The following CTNND2 variants were observed in gnomAD, a reference collection of about 807,000 sequenced individuals.
The protein encoded by CTNND2 is catenin delta-2.
Under a neutral mutation model 144.4 loss-of-function variants are expected in CTNND2, and 22 were observed. The observed-to-expected ratio is 0.15, with a 90% CI of 0.11 to 0.22. The LOEUF (loss-of-function observed/expected upper bound fraction) is 0.22, where lower values mean the gene tolerates loss of function less well. Among genes scored for constraint, CTNND2 ranks in the 10% least tolerant of loss-of-function variants. The pLI is 1.00. For missense variants in CTNND2, 1,353 were observed against 1,618.8 expected, an observed-to-expected ratio of 0.84 and a Z score of 2.82; for synonymous variants, 751 against 695.6, an observed-to-expected ratio of 1.08 and a Z score of -1.25.
intron 2 of CTNND2, among the ~76,000 whole-genome samples, chr5:11,634,191 C>T (rs578193702): frequency 6.6e-6 from 1 of 152,266 alleles, no homozygotes; most frequent in South Asian, 2.1e-4. Flanking sequence ...GAGAACTTTA[C>T]CCTTTTCTTT....
At chr5:11,363,875 C>T (rs561509330) in intron 8 of CTNND2, among the ~76,000 whole-genome samples, 1 of 152,314 alleles carries the variant, frequency 6.6e-6, no homozygotes, top group African/African-American at 2.4e-5. Context: ...TCATATATAT[C>T]ATTAGGAAAG....
At chr5:10,990,271 T>A (rs939188710) in intron 19 of CTNND2, among the ~76,000 whole-genome samples, 2 of 152,106 alleles carry the variant, frequency 1.3e-5, no homozygotes, top group Non-Finnish European at 2.9e-5. Context: ...CGAATGTGAA[T>A]CTGGGGAGAT....
At position 11,561,034 on chromosome 5, in the gene CTNND2, G is replaced by A. The variant is rs75880240; in HGVS notation, c.287+3910C>T. Among the ~76,000 whole-genome samples, 538 of 152,264 alleles carry A rather than the reference G, an allele frequency of 3.5e-3. 3 individuals carry two copies. Among genetic ancestry groups the A allele is most frequent in the Middle Eastern group, 0.014 (4 of 294 alleles). On this transcript the variant is annotated intron_variant, in intron 3 of 21. Transcript: ENST00000304623. ...TCCAGGCAGGAGCCTCAACCTGGAC[G>A]AGGACTGGATGGCTCATTAAGCTGC... is the stretch of plus-strand genomic sequence containing the variant.
intron 1 of CTNND2, among the ~76,000 whole-genome samples, chr5:11,775,887 T>C (rs887180470): frequency 4.6e-5 from 7 of 152,102 alleles, no homozygotes. Context: ...ACTAGGGTCC[T>C]TATAAGAAGA....
At chr5:11,771,865 C>G (rs895566470) in intron 1 of CTNND2, among the ~76,000 whole-genome samples, 1 of 152,220 alleles carries the variant, frequency 6.6e-6, no homozygotes, top group Non-Finnish European at 1.5e-5. Flanking sequence ...ACCTATACCA[C>G]GTGAGGGCTT....
intron 2 of CTNND2, among the ~76,000 whole-genome samples, chr5:11,634,062 C>T (rs1486197945): frequency 6.6e-6 from 1 of 152,158 alleles, no homozygotes; most frequent in African/African-American, 2.4e-5. Context: ...CATGAGTTGG[C>T]ACTGCCCATT....
At chr5:11,643,393 A>G (rs868604759) in intron 2 of CTNND2, among the ~76,000 whole-genome samples, 1 of 57,088 alleles carries the variant, frequency 1.8e-5, no homozygotes, top group African/African-American at 8.7e-5. Context: ...CCCTCCCCCC[A>G]CCCCACAACA....
At chr5:11,653,120 A>T (rs1782732594) in intron 2 of CTNND2, among the ~76,000 whole-genome samples, 1 of 146,564 alleles carries the variant, frequency 6.8e-6, no homozygotes, top group Admixed American at 6.8e-5. Flanking sequence ...TGTGTAACCT[A>T]CAATTTCTTT....
At chr5:11,092,566 C>T (rs1451875490) in intron 15 of CTNND2, among the ~76,000 whole-genome samples, 1 of 152,174 alleles carries the variant, frequency 6.6e-6, no homozygotes, top group Non-Finnish European at 1.5e-5. Flanking sequence ...ATCTCCTGCT[C>T]CACAGAGTGG....
intron 1 of CTNND2, among the ~76,000 whole-genome samples, chr5:11,861,160 C>T (rs563113745): frequency 5.3e-5 from 8 of 152,238 alleles, no homozygotes; most frequent in African/African-American, 1.7e-4. Context: ...GTGATGGTTT[C>T]GAGTCTTTGA....
chr5:11,554,237 A>T (rs1008207614), intron 3 of CTNND2, among the ~76,000 whole-genome samples: 2 of 152,242 alleles, frequency 1.3e-5, no homozygotes, highest in Admixed American at 6.5e-5. Flanking sequence ...TCTCAAAAAT[A>T]TATTTTGATG....
chr5:11,150,614 CTTCTT>C (rs1176750993), intron 12 of CTNND2, among the ~76,000 whole-genome samples: 3 of 129,382 alleles, frequency 2.3e-5, no homozygotes, highest in Non-Finnish European at 4.7e-5. Flanking sequence ...GAACTGCTGC[CTTCTT>C]TTTTTTTTTT....
intron 3 of CTNND2, among the ~76,000 whole-genome samples, chr5:11,428,955 T>A (rs1763031805): frequency 6.6e-6 from 1 of 152,186 alleles, no homozygotes; most frequent in African/African-American, 2.4e-5. Context: ...TGGCAAATCC[T>A]TTTATGAAAA....
chr5:11,233,832 A>C (rs557149813), intron 10 of CTNND2, among the ~76,000 whole-genome samples: 1 of 152,208 alleles, frequency 6.6e-6, no homozygotes, highest in East Asian at 1.9e-4. Flanking sequence ...TCTGTGTTTT[A>C]TTTAAGCCTT....
Position 11,473,942 on chromosome 5 carries a change from C to T in CTNND2, c.288-61873G>A, listed in dbSNP as rs62337507. Among the ~76,000 whole-genome samples, 269 of 152,362 alleles carry T rather than the reference C, an allele frequency of 1.8e-3. 1 individual carries two copies. Among genetic ancestry groups the T allele is most frequent in the Non-Finnish European group, 2.6e-3 (174 of 68,036 alleles). On this transcript the variant is annotated intron_variant, in intron 3 of 21. Coordinates refer to ENST00000304623, the MANE Select transcript of CTNND2 (RefSeq NM_001332.4). Reference sequence around the variant, plus strand: ...CCCCTTCCTCTCAAATATTTTTAAGCTTCCGCATCATCTTGTGACCATGTT... The same window carrying T: ...CCCCTTCCTCTCAAATATTTTTAAGTTTCCGCATCATCTTGTGACCATGTT...
intron 1 of CTNND2, among the ~76,000 whole-genome samples, chr5:11,784,414 G>C (rs564940197): frequency 1.5e-4 from 23 of 152,256 alleles, no homozygotes; most frequent in African/African-American, 5.1e-4. Context: ...TTCTTGGGGA[G>C]GGGGATGTGA....
intron 9 of CTNND2, among the ~76,000 whole-genome samples, chr5:11,302,268 A>T (rs1749690964): frequency 6.6e-6 from 1 of 152,122 alleles, no homozygotes; most frequent in Non-Finnish European, 1.5e-5. Context: ...GCAGCTGAGA[A>T]TGACAGCCAC....
chr5:11,769,634 A>G (rs1436348800), intron 1 of CTNND2, among the ~76,000 whole-genome samples: 1 of 152,202 alleles, frequency 6.6e-6, no homozygotes, highest in Non-Finnish European at 1.5e-5. Flanking sequence ...GAATTCCATT[A>G]ATGAAGGTTT....
chr5:11,606,662 GC>G (rs1381415645), intron 2 of CTNND2, among the ~76,000 whole-genome samples: 20 of 151,892 alleles, frequency 1.3e-4, no homozygotes, highest in African/African-American at 4.6e-4. Flanking sequence ...AGAGGTGAGG[GC>G]TGGAGGCATC....
Sources: allele counts gnomAD v4.1 joint callset (sites outside exome capture counted in the v4.1 genomes callset), GRCh38; gene constraint gnomAD v4.1.1; transcripts MANE v1.5; gene names NCBI Gene and HGNC (gene_info 2026-07-23, HGNC 2026-07-21).